CRACD: variants seen among roughly 807,000 people sequenced by gnomAD.
CRACD encodes the protein capping protein inhibiting regulator of actin dynamics.
Under a neutral mutation model 106.8 loss-of-function variants are expected in CRACD, and 56 were observed. The observed-to-expected ratio is 0.52, with a 90% CI of 0.42 to 0.66. The LOEUF is 0.66. CRACD is among the 30% of genes least tolerant of loss of function. CRACD has a pLI of 0.00. For synonymous variants in CRACD, 754 were observed against 670.8 expected (o/e 1.12, Z -1.92); for missense variants, 1,730 against 1,623.2 (o/e 1.07, Z -1.13).
intron 1 of CRACD, among the ~76,000 whole-genome samples, chr4:56,148,064 A>G (rs1202452719): frequency 6.6e-6 from 1 of 152,156 alleles, no homozygotes; most frequent in Non-Finnish European, 1.5e-5. Flanking sequence ...GGCTGTCTGC[A>G]AGCCAAGGAG....
chr4:56,125,215 A>G (rs1260840141), intron 1 of CRACD, among the ~76,000 whole-genome samples: 1 of 152,126 alleles, frequency 6.6e-6, no homozygotes, highest in East Asian at 1.9e-4. Context: ...TTCTTGCCTA[A>G]ATGAGTTATG....
At chr4:56,244,657 G>A (rs1357421312) in intron 2 of CRACD, among the ~76,000 whole-genome samples, 4 of 152,134 alleles carry the variant, frequency 2.6e-5, no homozygotes, top group African/African-American at 9.7e-5. Flanking sequence ...CCACACACCA[G>A]CTGTTCTAAC....
At chr4:56,311,333 GGAAGCAGGATCTGCTCCT>G (rs1199362354) in intron 6 of CRACD, 2 of 152,754 alleles carry the variant, frequency 1.3e-5, no homozygotes, top group Non-Finnish European at 2.9e-5. Context: ...AGACAGTATA[GGAAGCAGGATCTGCTCCT>G]GAAGAAGGGG....
At chr4:56,269,616 A>C (rs1577834377) in intron 2 of CRACD, among the ~76,000 whole-genome samples, 1 of 141,122 alleles carries the variant, frequency 7.1e-6, no homozygotes, top group Admixed American at 7.5e-5. Context: ...CCCAGGCTGG[A>C]GTACAGTGGC....
At chr4:56,071,125 T>C (rs1455629251) in intron 1 of CRACD, among the ~76,000 whole-genome samples, 1 of 152,212 alleles carries the variant, frequency 6.6e-6, no homozygotes, top group Non-Finnish European at 1.5e-5. Flanking sequence ...ATGATAGCCC[T>C]ATTTGTACTG....
At chr4:56,069,418 G>A (rs751692725) in intron 1 of CRACD, among the ~76,000 whole-genome samples, 2 of 152,170 alleles carry the variant, frequency 1.3e-5, no homozygotes, top group African/African-American at 2.4e-5. Flanking sequence ...CAGGGACAGC[G>A]TCTGGAGAAG....
chr4:56,243,135 A>G (rs993708151), intron 2 of CRACD, among the ~76,000 whole-genome samples: 7 of 152,210 alleles, frequency 4.6e-5, no homozygotes, highest in African/African-American at 1.7e-4. Flanking sequence ...ATTCCCCTAC[A>G]GTGGGCTGTG....
chr4:56,088,053 CACTT>C (rs1733289288), intron 1 of CRACD, among the ~76,000 whole-genome samples: 1 of 152,064 alleles, frequency 6.6e-6, no homozygotes, highest in South Asian at 2.1e-4. Flanking sequence ...AATTTTCTAA[CACTT>C]ACAGAATAAA....
At chr4:56,118,615 G>A (rs1734379155) in intron 1 of CRACD, among the ~76,000 whole-genome samples, 1 of 152,154 alleles carries the variant, frequency 6.6e-6, no homozygotes, top group South Asian at 2.1e-4. Context: ...AGTAGGAAAA[G>A]AAGCCAGGTG....
intron 1 of CRACD, among the ~76,000 whole-genome samples, chr4:56,136,047 T>C (rs562712160): frequency 2.0e-4 from 31 of 152,326 alleles, no homozygotes; most frequent in African/African-American, 7.2e-4. Flanking sequence ...TGGAGCTTTT[T>C]TTCACTCACC....
In CRACD at chr4:56,316,330, C is replaced by T. The variant is rs1394911646; in HGVS notation, c.2828C>T (p.Thr943Ile). ...GGGCCTCCACCGGCCAGCAGCCAGACCCCGGCTCCGGAGCACGACAAGGCA... is the reference window on the plus strand; with the variant it reads ...GGGCCTCCACCGGCCAGCAGCCAGATCCCGGCTCCGGAGCACGACAAGGCA... ...HPGPPPASSQ[T>I]PAPEHDKAAN... Residue 943 changes from threonine (T) to isoleucine (I), a missense_variant, in exon 8 of 11, where the codon ACC becomes ATC. Coordinates refer to ENST00000682029, the MANE Select transcript of CRACD (RefSeq NM_001393381.1). The T allele has an allele frequency of 5.0e-6, 8 of 1,614,060 alleles. No homozygotes were observed. The highest frequency in any genetic ancestry group is 5.9e-6 in the Non-Finnish European group (7 of 1,179,922).
At chr4:56,066,747 G>A (rs530308864) in intron 1 of CRACD, among the ~76,000 whole-genome samples, 2 of 152,178 alleles carry the variant, frequency 1.3e-5, no homozygotes, top group African/African-American at 4.8e-5. Context: ...CACACAGACA[G>A]TACACAAAGT....
At chr4:56,254,440 A>G (rs757292133) in intron 2 of CRACD, among the ~76,000 whole-genome samples, 4 of 151,504 alleles carry the variant, frequency 2.6e-5, no homozygotes. Context: ...TCAGTGTAGC[A>G]CTATTCACAG....
At chr4:56,066,187 C>T (rs917448933) in intron 1 of CRACD, among the ~76,000 whole-genome samples, 10 of 152,172 alleles carry the variant, frequency 6.6e-5, no homozygotes, top group African/African-American at 2.4e-4. Context: ...CTCTACATTG[C>T]AGGGCAGATG....
intron 2 of CRACD, among the ~76,000 whole-genome samples, chr4:56,266,059 C>T (rs1742004306): frequency 7.0e-6 from 1 of 141,886 alleles, no homozygotes; most frequent in Non-Finnish European, 1.6e-5. Flanking sequence ...ATAATGAGCA[C>T]TTTTTTAAAT....
intron 1 of CRACD, among the ~76,000 whole-genome samples, chr4:56,075,174 T>G (rs1397416839): frequency 6.6e-6 from 1 of 152,206 alleles, no homozygotes; most frequent in African/African-American, 2.4e-5. Flanking sequence ...CTGCCAGATT[T>G]TGGTATCAGG....
chr4:56,187,033 C>CA (rs1169674485), intron 2 of CRACD, among the ~76,000 whole-genome samples: 1 of 151,528 alleles, frequency 6.6e-6, no homozygotes, highest in Admixed American at 6.6e-5. Context: ...CATGCCACTG[C>CA]ACTCCAGCCT....
chr4:56,098,741 G>A (rs754536508), intron 1 of CRACD, among the ~76,000 whole-genome samples: 1 of 152,154 alleles, frequency 6.6e-6, no homozygotes, highest in Non-Finnish European at 1.5e-5. Flanking sequence ...ACCCAGGCTG[G>A]AGTGCACTGG....
intron 2 of CRACD, among the ~76,000 whole-genome samples, chr4:56,234,797 ATT>A (rs895569987): frequency 3.3e-5 from 5 of 152,186 alleles, no homozygotes; most frequent in Admixed American, 6.5e-5. Flanking sequence ...TCATATGACA[ATT>A]ATATATGATG....
Sources: allele counts gnomAD v4.1 joint callset (sites outside exome capture counted in the v4.1 genomes callset), GRCh38; gene constraint gnomAD v4.1.1; transcripts MANE v1.5; gene names NCBI Gene and HGNC (gene_info 2026-07-23, HGNC 2026-07-21).